The following CRPPA variants were observed in gnomAD, a reference collection of about 807,000 sequenced individuals.
CRPPA encodes the protein D-ribitol-5-phosphate cytidylyltransferase.
In CRPPA, 43 loss-of-function variants were observed where a neutral mutation model predicts 52.0. The ratio of observed to expected loss-of-function variants is 0.83; its 90% CI spans 0.65 to 1.07. The LOEUF (loss-of-function observed/expected upper bound fraction) is 1.07. Ranked by LOEUF, CRPPA falls within the 50% of genes least tolerant of loss-of-function variation. The pLI, the probability that CRPPA is intolerant of heterozygous loss-of-function variation, is 0.00. For synonymous variants in CRPPA, 250 were observed against 203.5 expected (o/e 1.23, Z -1.94); for missense variants, 629 against 551.7 (o/e 1.14, Z -1.40).
chr7:16,151,772 C>A (rs990303535), intron 9 of CRPPA, among the ~76,000 whole-genome samples: 2 of 151,738 alleles, frequency 1.3e-5, no homozygotes, highest in Admixed American at 6.6e-5. Context: ...TTATAAGACT[C>A]TATTTTAAGA....
chr7:16,145,295 T>A (rs1231782664), intron 9 of CRPPA, among the ~76,000 whole-genome samples: 1 of 152,136 alleles, frequency 6.6e-6, no homozygotes, highest in Non-Finnish European at 1.5e-5. Flanking sequence ...GGCACAACCA[T>A]AGGACCCCAC....
intron 9 of CRPPA, among the ~76,000 whole-genome samples, chr7:16,106,437 A>G (rs1037175751): frequency 2.0e-5 from 3 of 152,184 alleles, no homozygotes; most frequent in African/African-American, 7.2e-5. Flanking sequence ...ACCAGAAGCT[A>G]CTACAGTATC....
rs535327605 is a variant in CRPPA at position 16,251,115 on chromosome 7, T to TA, written c.1119+7274dup. Among the ~76,000 whole-genome samples, 10 of 149,924 alleles carry TA rather than the reference T, an allele frequency of 6.7e-5. No individual in the cohort carries two copies. The East Asian group carries it at 1.8e-3, about 26-fold the overall frequency. ...AAAATAGATTTTAAACCAACAAAGA[T>TA]AAAAAAATACAAGGAAGGGCATTAC... On this transcript the variant is annotated intron_variant, in intron 8 of 9. Coordinates refer to ENST00000407010, the MANE Select transcript of CRPPA (RefSeq NM_001101426.4).
chr7:16,147,058 C>T (rs1367335183), intron 9 of CRPPA, among the ~76,000 whole-genome samples: 1 of 152,112 alleles, frequency 6.6e-6, no homozygotes, highest in Non-Finnish European at 1.5e-5. Context: ...GTGAAAAGAT[C>T]TGGTAGTTTT....
chr7:16,162,343 T>G (rs1780919920), intron 9 of CRPPA, among the ~76,000 whole-genome samples: 1 of 152,214 alleles, frequency 6.6e-6, no homozygotes, highest in South Asian at 2.1e-4. Context: ...TAAACACTGC[T>G]TTAGCTGTGT....
intron 9 of CRPPA, among the ~76,000 whole-genome samples, chr7:16,179,945 T>C (rs1781377876): frequency 6.6e-6 from 1 of 152,154 alleles, no homozygotes; most frequent in South Asian, 2.1e-4. Flanking sequence ...TTAACATGTA[T>C]TTAATGAAGA....
At chr7:16,254,816 A>C (rs184692464) in intron 8 of CRPPA, among the ~76,000 whole-genome samples, 6 of 147,970 alleles carry the variant, frequency 4.1e-5, no homozygotes, top group African/African-American at 1.5e-4. Context: ...AAAGAAAGAA[A>C]GAAAGAAAGA....
At chr7:16,288,769 C>T (rs1431764224) in intron 5 of CRPPA, among the ~76,000 whole-genome samples, 5 of 132,436 alleles carry the variant, frequency 3.8e-5, no homozygotes, top group Admixed American at 9.0e-5. Context: ...TTGCTTCAAC[C>T]GGGGAAGAGG....
At chr7:16,093,874 T>A (rs543395237) in intron 9 of CRPPA, among the ~76,000 whole-genome samples, 18 of 152,270 alleles carry the variant, frequency 1.2e-4, no homozygotes, top group Middle Eastern at 3.4e-3. Flanking sequence ...CTAAGTCTCA[T>A]TTATTAAATT....
intron 6 of CRPPA, among the ~76,000 whole-genome samples, chr7:16,277,539 G>C (rs979983870): frequency 6.6e-6 from 1 of 152,164 alleles, no homozygotes; most frequent in Non-Finnish European, 1.5e-5. Flanking sequence ...AAATAAGTGT[G>C]GCAAAGAAAA....
In CRPPA at chr7:16,088,456, T is replaced by C. The variant is rs1051369960; in HGVS notation, c.*3239A>G. 10 of 146,934 alleles carry C rather than the reference T, an allele frequency of 6.8e-5. No individual in the cohort carries two copies. Among genetic ancestry groups the C allele is most frequent in the East Asian group, 2.0e-4 (1 of 5,004 alleles). The allele number at this position is 146,934 out of a possible 1,614,324, so 9.1% of individuals were successfully genotyped here. A position where few individuals can be genotyped will look rare whatever the true frequency, so the allele number is the denominator to read the frequency against. On this transcript the variant is annotated 3_prime_UTR_variant, in exon 10 of 10. Transcript: ENST00000407010. ...TTTTTGAGACGGAGTCTTGCTCTGT[T>C]GCCCAGGCTGGAGTGCAGTGGCGCT...
intron 9 of CRPPA, among the ~76,000 whole-genome samples, chr7:16,092,331 C>T (rs1781854156): frequency 6.6e-6 from 1 of 152,056 alleles, no homozygotes; most frequent in South Asian, 2.1e-4. Flanking sequence ...TCCATTTATT[C>T]TAATTATTTA....
intron 9 of CRPPA, among the ~76,000 whole-genome samples, chr7:16,173,363 G>C (rs1470915496): frequency 6.6e-6 from 1 of 152,154 alleles, no homozygotes; most frequent in Admixed American, 6.5e-5. Context: ...AATATGGCAA[G>C]CATTCTTTTA....
At chr7:16,092,885 A>G (rs561169369) in intron 9 of CRPPA, among the ~76,000 whole-genome samples, 1 of 152,284 alleles carries the variant, frequency 6.6e-6, no homozygotes, top group African/African-American at 2.4e-5. Context: ...AAGATTGTCC[A>G]AACAAGCTGT....
At chr7:16,166,305 A>C (rs756380055) in intron 9 of CRPPA, among the ~76,000 whole-genome samples, 35 of 151,808 alleles carry the variant, frequency 2.3e-4, no homozygotes, top group Non-Finnish European at 2.5e-4. Flanking sequence ...TTTGAGATAG[A>C]GTCTTGCTCT....
chr7:16,110,386 T>C (rs1782236520), intron 9 of CRPPA, among the ~76,000 whole-genome samples: 1 of 152,062 alleles, frequency 6.6e-6, no homozygotes, highest in South Asian at 2.1e-4. Context: ...TTCCTAACAA[T>C]ATTCTAATGT....
Position 16,110,336 on chromosome 7 carries a change from A to T in CRPPA, c.1252-18537T>A, listed in dbSNP as rs562322511. The stretch of plus-strand genomic sequence containing the variant: ...TATTGGAAGAATTAGTATTGTTAAA[A>T]TACCCCTTCTACTCAGAGCAATCTA... On this transcript the variant is annotated intron_variant, in intron 9 of 9. Coordinates refer to ENST00000407010, the MANE Select transcript of CRPPA (RefSeq NM_001101426.4). Among the ~76,000 whole-genome samples, 3 of 152,244 alleles carry T rather than the reference A, an allele frequency of 2.0e-5. No individual in the cohort carries two copies. In the East Asian group the frequency reaches 5.8e-4, roughly 29 times the overall value.
rs200114996 is a variant in CRPPA, at chr7:16,308,617, T to C, written c.695A>G (p.Tyr232Cys). 4.8e-5 allele frequency: 77 copies of C among 1,595,746 alleles called. No individual in the cohort carries two copies. Among genetic ancestry groups the C allele is most frequent in the Non-Finnish European group, 5.7e-5 (66 of 1,165,520 alleles). ...IYEAYQQCSD[Y>C]DLEFGTECLQ... is the part of the protein sequence containing the mutation. ...ACACTCAGTTCCAAATTCCAAGTCA[T>C]AGTCACTACACTGGTGTGGAAACAA... is the stretch of plus-strand genomic sequence containing the variant. The change falls in exon 4 of 10, where the codon TAT (tyrosine) becomes TGT (cysteine). Residue 232 changes from tyrosine (Y) to cysteine (C), a missense_variant. Physicochemically the swap from Tyr to Cys is radical, Grantham distance 194. Transcript: ENST00000407010.
chr7:16,195,308 A>G (rs1781706746), intron 9 of CRPPA, among the ~76,000 whole-genome samples: 1 of 151,988 alleles, frequency 6.6e-6, no homozygotes. Flanking sequence ...TTCCATTGAG[A>G]TTTTGCCTTT....
Sources: allele counts gnomAD v4.1 joint callset (sites outside exome capture counted in the v4.1 genomes callset), GRCh38; gene constraint gnomAD v4.1.1; transcripts MANE v1.5; gene names NCBI Gene and HGNC (gene_info 2026-07-23, HGNC 2026-07-21).